ARID1B: variants seen among roughly 807,000 people sequenced by gnomAD.
ARID1B encodes the protein AT-rich interactive domain-containing protein 1B.
ARID1B carries 30 observed loss-of-function variants against 212.3 expected under a neutral mutation model. The ratio of observed to expected loss-of-function variants is 0.14; its 90% CI spans 0.11 to 0.19. ARID1B has a LOEUF of 0.19. Ranked by LOEUF, ARID1B falls within the 10% of genes least tolerant of loss-of-function variation. The pLI, the probability that ARID1B is intolerant of heterozygous loss-of-function variation, is 1.00. For missense variants in ARID1B, 2,891 were observed against 3,204.0 expected, an observed-to-expected ratio of 0.90 and a Z score of 2.36; for synonymous variants, 1,402 against 1,301.7, an observed-to-expected ratio of 1.08 and a Z score of -1.66.
chr6:157,051,548 G>T (rs1402597520), intron 4 of ARID1B, among the ~76,000 whole-genome samples: 3 of 151,968 alleles, frequency 2.0e-5, no homozygotes, highest in African/African-American at 7.3e-5. Context: ...AATTCACTCT[G>T]TACTTTAGGT....
intron 2 of ARID1B, among the ~76,000 whole-genome samples, chr6:156,881,045 A>T (rs1787042111): frequency 6.6e-6 from 1 of 152,184 alleles, no homozygotes; most frequent in South Asian, 2.1e-4. Context: ...AAGGGTATTT[A>T]AAATGCACTG....
chr6:156,779,668 T>C (rs1048417678), intron 1 of ARID1B, 197 bp downstream of exon 1: 318 of 341,796 alleles, frequency 9.3e-4, no homozygotes, highest in Non-Finnish European at 1.2e-3. Context: ...TGTCCAGGCC[T>C]GGGAGGGCTT....
At chr6:156,835,957 C>T (rs1783483151) in intron 2 of ARID1B, among the ~76,000 whole-genome samples, 2 of 151,964 alleles carry the variant, frequency 1.3e-5, no homozygotes, top group African/African-American at 4.8e-5. Flanking sequence ...CCAGGTTGGT[C>T]TCGAACAAGT....
chr6:156,960,666 T>G (rs1321149740), intron 4 of ARID1B, among the ~76,000 whole-genome samples: 1 of 152,214 alleles, frequency 6.6e-6, no homozygotes, highest in Non-Finnish European at 1.5e-5. Flanking sequence ...GTATTTCATT[T>G]TTATGTACTT....
chr6:156,779,402 G>C lies in ARID1B; in HGVS notation c.1722G>C (p.Ala574=). 2 of 1,441,320 alleles carry C rather than the reference G, an allele frequency of 1.4e-6. No individual in the cohort carries two copies. Among genetic ancestry groups the C allele is most frequent in the Non-Finnish European group, 1.8e-6 (2 of 1,093,412 alleles). 89.3% of individuals were successfully genotyped at this position (1,441,320 alleles called of 1,614,324 possible). Residue 574 remains alanine, a synonymous_variant, in exon 1 of 20, where the codon GCG becomes GCC. Transcript: ENST00000636930. The part of the protein sequence containing the change: ...AQYAAASPAW[A]AAQQRSHPAM... ...ACGCCGCTGCCAGCCCGGCCTGGGC[G>C]GCCGCGCAACAAAGGAGTCACCCGG... is the stretch of plus-strand genomic sequence containing the variant.
At chr6:156,843,993 C>G (rs2128092614) in intron 2 of ARID1B, among the ~76,000 whole-genome samples, 1 of 152,118 alleles carries the variant, frequency 6.6e-6, no homozygotes, top group East Asian at 1.9e-4. Context: ...TTTGCTGGGT[C>G]TGGGGAGAGA....
rs1003131791 is a variant in ARID1B, at chr6:157,039,322, C to CTTTT, written c.2248-45324_2248-45321dup. Among the ~76,000 whole-genome samples the CTTTT allele has an allele frequency of 1.9e-3, 198 of 102,944 alleles. 25 individuals carry two copies. The highest frequency in any genetic ancestry group is 2.7e-3 in the Non-Finnish European group (139 of 50,924). 67.5% of individuals were successfully genotyped at this position (102,944 alleles called of 152,430 possible). Reference sequence around the variant, plus strand: ...ATTAAAAATGGGAAATTTGACATTTCTTTTTTTTTTTTTTTTTTTGAGACG... The same window carrying CTTTT: ...ATTAAAAATGGGAAATTTGACATTTCTTTTTTTTTTTTTTTTTTTTTTTGAGACG... On this transcript the variant is annotated intron_variant, in intron 4 of 19. Transcript: ENST00000636930.
At chr6:156,845,054 C>A (rs1351355409) in intron 2 of ARID1B, among the ~76,000 whole-genome samples, 1 of 152,212 alleles carries the variant, frequency 6.6e-6, no homozygotes, top group Admixed American at 6.5e-5. Context: ...GGGGAGATGT[C>A]CACATGTAAA....
intron 4 of ARID1B, among the ~76,000 whole-genome samples, chr6:156,966,937 T>A (rs1326415902): frequency 6.6e-6 from 1 of 152,106 alleles, no homozygotes; most frequent in Non-Finnish European, 1.5e-5. Context: ...TGACCTCAGG[T>A]GATCCACCTG....
intron 4 of ARID1B, among the ~76,000 whole-genome samples, chr6:156,973,666 C>T (rs1777069728): frequency 6.6e-6 from 1 of 152,164 alleles, no homozygotes; most frequent in African/African-American, 2.4e-5. Flanking sequence ...CCCTCCAAAT[C>T]CTTCCTGCTC....
chr6:156,988,736 C>G (rs1239508354), intron 4 of ARID1B, among the ~76,000 whole-genome samples: 1 of 152,146 alleles, frequency 6.6e-6, no homozygotes, highest in African/African-American at 2.4e-5. Flanking sequence ...TCAATCACTT[C>G]CGACACACTT....
At position 156,778,285 on chromosome 6, in the gene ARID1B, A is replaced by G; in HGVS notation, c.605A>G (p.Gln202Arg). ...QLNQFQQQQQ[Q>R]QQQQQQQQQQ... ...AACCAGTTCCAGCAGCAGCAGCAGCAGCAGCAACAGCAGCAGCAGCAGCAG... is the reference window on the plus strand; with the variant it reads ...AACCAGTTCCAGCAGCAGCAGCAGCGGCAGCAACAGCAGCAGCAGCAGCAG... The change falls in exon 1 of 20, where the codon CAG becomes CGG. Residue 202 changes from glutamine to arginine, a missense_variant. Gln to Arg is a conservative substitution (Grantham distance 43). Around this residue, in one of 7 missense-constraint regions of ARID1B, gnomAD observed 1,643 missense variants for 1,544.0 expected, o/e 1.06. Coordinates refer to ENST00000636930, the MANE Select transcript of ARID1B (RefSeq NM_001374828.1). 6.5e-7 allele frequency: 1 copy of G among 1,541,328 alleles called. No individual in the cohort carries two copies. Among genetic ancestry groups the G allele is most frequent in the Non-Finnish European group, 8.7e-7 (1 of 1,144,742 alleles).
intron 3 of ARID1B, among the ~76,000 whole-genome samples, chr6:156,934,912 T>TTATATATATA (rs201495355): frequency 7.0e-4 from 37 of 52,648 alleles, no homozygotes; most frequent in East Asian, 9.1e-4. Context: ...TAGTTGTTAA[T>TTATATATATA]TATATATATA....
intron 1 of ARID1B, among the ~76,000 whole-genome samples, chr6:156,797,411 A>G (rs1780459827): frequency 6.6e-6 from 1 of 152,212 alleles, no homozygotes; most frequent in Non-Finnish European, 1.5e-5. Flanking sequence ...TATCGCAGCT[A>G]TTTCTCCAGT....
At chr6:156,945,208 G>T (rs28660290) in intron 4 of ARID1B, among the ~76,000 whole-genome samples, 9,032 of 128,586 alleles carry the variant, frequency 0.07, 1,091 homozygotes, top group African/African-American at 0.25. Flanking sequence ...GTACTGGGAT[G>T]ACCGGTGTGA....
At chr6:156,826,637 G>T (rs902292258) in intron 1 of ARID1B, among the ~76,000 whole-genome samples, 1 of 152,154 alleles carries the variant, frequency 6.6e-6, no homozygotes. Context: ...CTCGGGGTCT[G>T]TGCTCCTGCC....
chr6:157,039,322 C>CTTTCTTTTTTTTTTTTTTTTTTTTT (rs1781547108), intron 4 of ARID1B, among the ~76,000 whole-genome samples: 5 of 102,976 alleles, frequency 4.9e-5, no homozygotes, highest in Admixed American at 2.1e-4. Flanking sequence ...TTTGACATTT[C>CTTTCTTTTTTTTTTTTTTTTTTTTT]TTTTTTTTTT....
rs368944327 is a variant in ARID1B at position 156,909,437 on chromosome 6, A to G, written c.2136+7912A>G. Among the ~76,000 whole-genome samples, 120 of 152,246 alleles carry G rather than the reference A, an allele frequency of 7.9e-4. 4 individuals carry two copies. The South Asian group carries it at 0.023, about 30-fold the overall frequency. On this transcript the variant is annotated intron_variant, in intron 3 of 19. Transcript: ENST00000636930. The stretch of plus-strand genomic sequence containing the variant: ...CCGCATCCGGACAAGGGCGTTTCTT[A>G]TATAACAGCAGCTCTGTTACCACAT...
intron 4 of ARID1B, among the ~76,000 whole-genome samples, chr6:157,081,019 A>G (rs1184601284): frequency 2.0e-5 from 3 of 152,252 alleles, no homozygotes; most frequent in African/African-American, 7.2e-5. Flanking sequence ...ATAGCAAAAT[A>G]GTGATTTTAC....
Sources: allele counts gnomAD v4.1 joint callset (sites outside exome capture counted in the v4.1 genomes callset), GRCh38; gene constraint gnomAD v4.1.1; regional missense constraint gnomAD v4.1.1; transcripts MANE v1.5; gene names NCBI Gene and HGNC (gene_info 2026-07-23, HGNC 2026-07-21).